Variants in CPNE3 observed in about 807,000 individuals in gnomAD.
CPNE3 encodes copine 3, also known as copine-3.
CPNE3 carries 68 observed loss-of-function variants against 63.9 expected under a neutral mutation model. The observed-to-expected ratio is 1.06, with a 90% CI of 0.87 to 1.30. The LOEUF is 1.30. Among genes scored for constraint, CPNE3 ranks in the 50% most tolerant of loss-of-function variants. The pLI is 0.00. For missense variants in CPNE3, 665 were observed against 578.1 expected, an observed-to-expected ratio of 1.15 and a Z score of -1.54; for synonymous variants, 219 against 197.5, an observed-to-expected ratio of 1.11 and a Z score of -0.91.
chr8:86,523,157 C>T (rs34195357), intron 2 of CPNE3, among the ~76,000 whole-genome samples: 27,494 of 152,156 alleles, frequency 0.18, 5,089 homozygotes, highest in African/African-American at 0.48. Flanking sequence ...GAGCATGCTA[C>T]AGACCTACAG....
chr8:86,517,870 A>C (rs1176150513), intron 2 of CPNE3, among the ~76,000 whole-genome samples: 3 of 152,212 alleles, frequency 2.0e-5, no homozygotes, highest in Non-Finnish European at 2.9e-5. Context: ...TTTGTTCAAT[A>C]AGTGTTGAAT....
intron 16 of CPNE3, 127 bp downstream of exon 16, chr8:86,556,465 G>C (rs1437990989): frequency 1.4e-6 from 1 of 710,128 alleles, no homozygotes; most frequent in Non-Finnish European, 2.6e-6. Context: ...TTGTCCATTT[G>C]AGAGCTCCGA....
rs970356287 is a variant in CPNE3, at chr8:86,554,738, A to T, written c.1121-113A>T. 24 of 1,277,656 alleles carry T rather than the reference A, an allele frequency of 1.9e-5. No individual in the cohort carries two copies. In the South Asian group the frequency reaches 2.6e-4, roughly 14 times the overall value. 79.1% of individuals were successfully genotyped at this position (1,277,656 alleles called of 1,614,324 possible). On this transcript the variant is annotated intron_variant, in intron 14 of 16. Transcript: ENST00000517490. ...GGAACTACTGCTTATAGAACTTTTG[A>T]CTATTTAAAGCACTATATGTTGATA...
intron 16 of CPNE3, among the ~76,000 whole-genome samples, chr8:86,556,825 C>A (rs967310060): frequency 6.6e-6 from 1 of 152,146 alleles, no homozygotes; most frequent in Non-Finnish European, 1.5e-5. Context: ...CTACTTCTAG[C>A]CCTTCCTTAA....
At position 86,550,859 on chromosome 8, in the gene CPNE3, A is replaced by G. The variant is rs1264236996; in HGVS notation, c.1014-187A>G. The stretch of plus-strand genomic sequence containing the variant: ...AAGAAACATTTTTCTTCCTCAGTGC[A>G]CAGAAAAATATTTAGGATGAGAGTT... On this transcript the variant is annotated intron_variant, in intron 12 of 16. Coordinates refer to ENST00000517490, the MANE Select transcript of CPNE3 (RefSeq NM_003909.5). The G allele has an allele frequency of 8.7e-6, 5 of 577,894 alleles. No homozygotes were observed. In the Admixed American group the frequency reaches 1.7e-4, roughly 20 times the overall value. The allele number at this position is 577,894 out of a possible 1,614,324, so 35.8% of individuals were successfully genotyped here.
At chr8:86,528,440 C>A in intron 2 of CPNE3, 96 bp from the exon 3 acceptor site, 5 of 1,352,484 alleles carry the variant, frequency 3.7e-6, no homozygotes, top group Non-Finnish European at 4.1e-6. Context: ...CCTATTGTGA[C>A]AATTGGTCTT....
At chr8:86,523,126 A>G (rs527905035) in intron 2 of CPNE3, among the ~76,000 whole-genome samples, 7 of 152,260 alleles carry the variant, frequency 4.6e-5, no homozygotes, top group African/African-American at 1.7e-4. Flanking sequence ...GCTACAATTC[A>G]TAGAGTGTCT....
chr8:86,555,245 A>G (rs527458557), intron 15 of CPNE3, among the ~76,000 whole-genome samples: 1 of 152,256 alleles, frequency 6.6e-6, no homozygotes, highest in Non-Finnish European at 1.5e-5. Flanking sequence ...AAAAAAAAAA[A>G]AATGCCTATC....
chr8:86,533,054 A>ATCTC (rs138593870), intron 6 of CPNE3, among the ~76,000 whole-genome samples: 2,337 of 150,792 alleles, frequency 0.015, 56 homozygotes, highest in African/African-American at 0.053. Context: ...CTATCTATCT[A>ATCTC]TCTATCTATC....
In CPNE3 at chr8:86,553,310, A is replaced by G. The variant is rs1270620125; in HGVS notation, c.1121-1541A>G. 2.6e-5 allele frequency among the ~76,000 whole-genome samples: 4 copies of G among 152,110 alleles called. No individual in the cohort carries two copies. In the East Asian group the frequency reaches 7.7e-4, roughly 29 times the overall value. ...ACCTGTTCCTAAATTCAAAGAAACT[A>G]AGAGGAGTTTATTGGAACTCTTACA... On this transcript the variant is annotated intron_variant, in intron 14 of 16. Coordinates refer to ENST00000517490, the MANE Select transcript of CPNE3 (RefSeq NM_003909.5).
chr8:86,516,829 A>G (rs1820323244), intron 2 of CPNE3, among the ~76,000 whole-genome samples: 1 of 152,088 alleles, frequency 6.6e-6, no homozygotes, highest in Non-Finnish European at 1.5e-5. Flanking sequence ...TCAGTGATTT[A>G]TTATGCTAGA....
chr8:86,529,192 G>A, intron 4 of CPNE3, 68 bp downstream of exon 4: 2 of 1,353,456 alleles, frequency 1.5e-6, no homozygotes, highest in African/African-American at 1.5e-5. Context: ...TGGTGTTTTT[G>A]GTAAGCAGCA....
Position 86,529,104 on chromosome 8 carries a change from T to C in CPNE3, c.292T>C (p.Cys98Arg). 6.2e-7 allele frequency: 1 copy of C among 1,613,742 alleles called. No homozygotes were observed. The highest frequency in any genetic ancestry group is 8.5e-7 in the Non-Finnish European group (1 of 1,179,816). ...GAGTGATGATGACTTCTTAGGGGAA[T>C]GTGAATGTACCCTTGGACAAGTAAG... ...ELSDDDFLGE[C>R]ECTLGQIVSS... Residue 98 changes from cysteine to arginine, a missense_variant, in exon 4 of 17, where the codon TGT becomes CGT. Coordinates refer to ENST00000517490, the MANE Select transcript of CPNE3 (RefSeq NM_003909.5).
At chr8:86,558,066 A>G (rs1263255418) in intron 16 of CPNE3, among the ~76,000 whole-genome samples, 1 of 151,280 alleles carries the variant, frequency 6.6e-6, no homozygotes, top group Non-Finnish European at 1.5e-5. Flanking sequence ...CTGGCACCGA[A>G]AAAGGACTTG....
intron 2 of CPNE3, among the ~76,000 whole-genome samples, chr8:86,527,458 A>G (rs1820564817): frequency 6.6e-6 from 1 of 152,128 alleles, no homozygotes; most frequent in African/African-American, 2.4e-5. Flanking sequence ...AGACTGGGGA[A>G]GGAGGGGTCT....
chr8:86,531,533 G>C (rs1007847686), intron 5 of CPNE3, among the ~76,000 whole-genome samples: 1 of 152,170 alleles, frequency 6.6e-6, no homozygotes, highest in Non-Finnish European at 1.5e-5. Context: ...GAGAGAAACT[G>C]CTTAATAATC....
intron 16 of CPNE3, among the ~76,000 whole-genome samples, chr8:86,557,617 G>A (rs1463458143): frequency 6.6e-6 from 1 of 152,194 alleles, no homozygotes; most frequent in Non-Finnish European, 1.5e-5. Flanking sequence ...GTGGAGTGTT[G>A]TGATTATAAA....
chr8:86,536,112 G>A (rs1379146062), intron 6 of CPNE3, among the ~76,000 whole-genome samples: 2 of 151,188 alleles, frequency 1.3e-5, no homozygotes, highest in Admixed American at 6.6e-5. Context: ...CCTTGCTTCC[G>A]CTTTCCTCCA....
At chr8:86,522,540 G>A (rs1413324711) in intron 2 of CPNE3, among the ~76,000 whole-genome samples, 1 of 124,986 alleles carries the variant, frequency 8.0e-6, no homozygotes, top group East Asian at 2.2e-4. Context: ...ATTACCTGAC[G>A]CCCGCTGCTT....
Sources: allele counts gnomAD v4.1 joint callset (sites outside exome capture counted in the v4.1 genomes callset), GRCh38; gene constraint gnomAD v4.1.1; transcripts MANE v1.5; gene names NCBI Gene and HGNC (gene_info 2026-07-23, HGNC 2026-07-21).